The following MYO5A variants were observed in gnomAD, a reference collection of about 807,000 sequenced individuals.
The protein encoded by MYO5A is unconventional myosin-Va.
In MYO5A, 98 loss-of-function variants were observed where a neutral mutation model predicts 249.7. The observed-to-expected ratio is 0.39, with a 90% CI of 0.33 to 0.46. The LOEUF is 0.46. Among genes scored for constraint, MYO5A ranks in the 20% least tolerant of loss-of-function variants. The pLI is 0.98. For synonymous variants in MYO5A, 778 were observed against 810.6 expected (o/e 0.96, Z 0.68); for missense variants, 1,696 against 2,308.8 (o/e 0.73, Z 5.44).
chr15:52,501,697 G>A lies in MYO5A; in HGVS notation c.27+27083C>T, dbSNP rs183858427. 8.0e-4 allele frequency among the ~76,000 whole-genome samples: 121 copies of A among 152,048 alleles called. 1 individual carries two copies. Among genetic ancestry groups the A allele is most frequent in the African/African-American group, 2.7e-3 (111 of 41,490 alleles). On this transcript the variant is annotated intron_variant, in intron 1 of 41. Transcript: ENST00000399233. The stretch of plus-strand genomic sequence containing the variant: ...TATTTGTTTTTTTCTGATTATAAAA[G>A]AATGTATGTTGATTATAACAATTCA...
At chr15:52,370,044 G>A in intron 22 of MYO5A, 125 bp downstream of exon 22, 2 of 1,253,338 alleles carry the variant, frequency 1.6e-6, no homozygotes, top group Non-Finnish European at 2.3e-6. Context: ...ATAATGAACA[G>A]TAATTCAACT....
chr15:52,528,928 G>GCGGGGAGGGCCGA, upstream of MYO5A: 2 of 840,214 alleles, frequency 2.4e-6, no homozygotes. Context: ...GGCAGGGCCG[G>GCGGGGAGGGCCGA]GCGGGGAGGG....
intron 1 of MYO5A, among the ~76,000 whole-genome samples, chr15:52,494,744 T>C (rs28422901): frequency 0.23 from 34,480 of 152,074 alleles, 4,625 homozygotes; most frequent in African/African-American, 0.37. Flanking sequence ...CCACCCACTT[T>C]GGCCTCCCAA....
chr15:52,328,061 G>A, intron 35 of MYO5A, 55 bp from the exon 36 acceptor site: 1 of 1,410,154 alleles, frequency 7.1e-7, no homozygotes, highest in Admixed American at 1.7e-5. Flanking sequence ...CACGAGGCAT[G>A]CATTGTGAGA....
At chr15:52,523,056 A>G (rs886138440) in intron 1 of MYO5A, among the ~76,000 whole-genome samples, 1 of 152,200 alleles carries the variant, frequency 6.6e-6, no homozygotes, top group African/African-American at 2.4e-5. Context: ...TTCAAGTTCC[A>G]CAGAGGCAGT....
intron 8 of MYO5A, among the ~76,000 whole-genome samples, chr15:52,407,071 A>T (rs542247101): frequency 1.1e-4 from 16 of 152,222 alleles, no homozygotes; most frequent in Non-Finnish European, 2.2e-4. Context: ...TAGTAAATTT[A>T]CAAAGTTGCA....
chr15:52,393,510 C>G (rs1218833525), intron 11 of MYO5A, among the ~76,000 whole-genome samples: 3 of 151,912 alleles, frequency 2.0e-5, no homozygotes, highest in Non-Finnish European at 4.4e-5. Context: ...TCTCCTGATT[C>G]AGCCTCCTGA....
intron 4 of MYO5A, among the ~76,000 whole-genome samples, chr15:52,419,089 C>T (rs1011512737): frequency 4.6e-5 from 7 of 152,178 alleles, no homozygotes; most frequent in African/African-American, 1.7e-4. Flanking sequence ...TAATGTATAA[C>T]ACGATTTAAT....
rs979762503 is a variant in MYO5A at position 52,361,075 on chromosome 15, C to G, written c.3310-994G>C. Among the ~76,000 whole-genome samples the G allele has an allele frequency of 2.0e-5, 3 of 152,230 alleles. No homozygotes were observed. In the East Asian group the frequency reaches 5.8e-4, roughly 29 times the overall value. Reference sequence around the variant, plus strand: ...TGGAGAGCAGACTCATCCAGAGGCACGTAAAAGTCTCCCAGGCCAACCCAA... The same window carrying G: ...TGGAGAGCAGACTCATCCAGAGGCAGGTAAAAGTCTCCCAGGCCAACCCAA... On this transcript the variant is annotated intron_variant, in intron 24 of 41. Coordinates refer to ENST00000399233, the MANE Select transcript of MYO5A (RefSeq NM_001382347.1).
chr15:52,416,488 TA>T (rs374931833), intron 4 of MYO5A, among the ~76,000 whole-genome samples, 187 bp from the exon 5 acceptor site: 54 of 140,534 alleles, frequency 3.8e-4, no homozygotes, highest in East Asian at 2.2e-3. Context: ...GCAGGATATA[TA>T]TATATTTTTT....
intron 23 of MYO5A, among the ~76,000 whole-genome samples, chr15:52,365,646 C>A (rs2040769134): frequency 6.6e-6 from 1 of 152,196 alleles, no homozygotes; most frequent in Non-Finnish European, 1.5e-5. Flanking sequence ...CTTGTCACAG[C>A]TGCTTTCCTG....
intron 40 of MYO5A, among the ~76,000 whole-genome samples, chr15:52,316,316 T>G (rs1009394147): frequency 1.3e-5 from 2 of 151,952 alleles, no homozygotes; most frequent in African/African-American, 4.8e-5. Context: ...ATTGGGCATG[T>G]TCATGCCTGT....
In MYO5A at chr15:52,319,262, T is replaced by A; in HGVS notation, c.5032A>T (p.Ile1678Phe). ...AGTGTGTAGGTGCCCTCATCGGCGA[T>A]ACTGGAGGTTCGCTTTCTCAACCCT... ...PTGLRKRTSS[I>F]ADEGTYTLDS... The change falls in exon 39 of 42, where the codon ATC (isoleucine) becomes TTC (phenylalanine). Residue 1678 changes from isoleucine (I) to phenylalanine (F), a missense_variant. Physicochemically the swap from Ile to Phe is conservative, Grantham distance 21 (BLOSUM62 0). This residue lies in a region of MYO5A where 625 missense variants were observed against 908.1 expected (regional missense o/e 0.69). Transcript: ENST00000399233. 1 of 1,614,142 alleles carries A rather than the reference T, an allele frequency of 6.2e-7. No individual in the cohort carries two copies. The highest frequency in any genetic ancestry group is 8.5e-7 in the Non-Finnish European group (1 of 1,179,994).
chr15:52,319,339 G>C lies in MYO5A; in HGVS notation c.4955C>G (p.Ser1652Ter). The C allele has an allele frequency of 6.2e-7, 1 of 1,614,000 alleles. No individual in the cohort carries two copies. ...AATCGTTTCATGTTCCAGCATGCCT[G>C]AGACTGCAGGAGTATTTCAATTGTT... ...LENILQPMIV[S>*]GMLEHETIQG... is the part of the protein sequence containing the mutation. The change falls in exon 39 of 42, where the codon TCA becomes TGA. Residue 1652 changes from serine (S) to a stop codon, truncating the protein, a stop_gained. Coordinates refer to ENST00000399233, the MANE Select transcript of MYO5A (RefSeq NM_001382347.1). LOFTEE classifies it high-confidence loss of function.
At chr15:52,379,578 A>C (rs758454473) in intron 18 of MYO5A, 47 bp downstream of exon 18, 7 of 1,553,084 alleles carry the variant, frequency 4.5e-6, no homozygotes, top group Non-Finnish European at 8.9e-7. Context: ...CAAGGTCAGA[A>C]CCACAAGGCC....
At chr15:52,524,063 C>T (rs2077680629) in intron 1 of MYO5A, among the ~76,000 whole-genome samples, 1 of 152,184 alleles carries the variant, frequency 6.6e-6, no homozygotes, top group Non-Finnish European at 1.5e-5. Flanking sequence ...TGGAAAGTTA[C>T]ACATATACAA....
At position 52,392,056 on chromosome 15, in the gene MYO5A, C is replaced by T. The variant is rs373091609; in HGVS notation, c.1416G>A (p.Leu472=). The T allele has an allele frequency of 9.3e-6, 15 of 1,610,810 alleles. No homozygotes were observed. In the African/African-American group the frequency reaches 1.9e-4, roughly 20 times the overall value. Residue 472 remains leucine (L), a synonymous_variant, in exon 12 of 42, where the codon TTG becomes TTA. Transcript: ENST00000399233. ...QQQFNMHVFK[L]EQEEYMKEQI... ...GTTCCTTCATATATTCTTCTTGCTC[C>T]AATTTGAAGACATGCTGAAATGAAA...
At chr15:52,499,743 A>G (rs533057082) in intron 1 of MYO5A, among the ~76,000 whole-genome samples, 7 of 152,336 alleles carry the variant, frequency 4.6e-5, no homozygotes, top group Admixed American at 3.9e-4. Flanking sequence ...ACCAATGGAC[A>G]CTGGGTTGCT....
At chr15:52,473,626 T>G (rs2076526489) in intron 1 of MYO5A, among the ~76,000 whole-genome samples, 2 of 152,232 alleles carry the variant, frequency 1.3e-5, no homozygotes, top group Admixed American at 6.5e-5. Flanking sequence ...TACCCAGTTT[T>G]CCCAGCACCA....
Sources: gnomAD v4.1 joint callset for allele counts (sites outside exome capture counted in the v4.1 genomes callset) on GRCh38, gnomAD v4.1.1 for gene constraint, gnomAD v4.1.1 regional missense constraint, MANE v1.5 for transcripts, NCBI Gene and HGNC (gene_info 2026-07-23, HGNC 2026-07-21) for gene names.